HOXB6: variants seen among roughly 807,000 people sequenced by gnomAD.
HOXB6 encodes the protein homeobox B6, also known as homeobox protein Hox-B6.
HOXB6 carries 18 observed loss-of-function variants against 24.2 expected under a neutral mutation model. That is an observed-to-expected ratio of 0.74 (90% CI 0.51 to 1.10). The LOEUF (loss-of-function observed/expected upper bound fraction) is 1.10. Among genes scored for constraint, HOXB6 ranks in the 50% least tolerant of loss-of-function variants. HOXB6 has a pLI of 0.00. For synonymous variants in HOXB6, 159 were observed against 139.1 expected, an observed-to-expected ratio of 1.14 and a Z score of -1.01; for missense variants, 332 against 308.3, an observed-to-expected ratio of 1.08 and a Z score of -0.58.
rs139172289 is a variant in HOXB6 at position 48,595,804 on chromosome 17, T to TATTATTATTATTATC, written c.*608_*609insGATAATAATAATAAT. The stretch of plus-strand genomic sequence containing the variant: ...TTGTTGTTGTTATTATTATTATTAT[T>TATTATTATTATTATC]ATCATCATCATCATCATCATCATCA... On this transcript the variant is annotated 3_prime_UTR_variant, in exon 4 of 4. Coordinates refer to ENST00000225648, the MANE Select transcript of HOXB6 (RefSeq NM_018952.5). The TATTATTATTATTATC allele has an allele frequency of 4.7e-5, 9 of 190,232 alleles. No homozygotes were observed. The highest frequency in any genetic ancestry group is 1.7e-4 in the Admixed American group (3 of 17,636). 11.8% of individuals were successfully genotyped at this position (190,232 alleles called of 1,614,324 possible). A position where few individuals can be genotyped will look rare whatever the true frequency, so the allele number is the denominator to read the frequency against.
In HOXB6 at chr17:48,597,053, G is replaced by A. The variant is rs2070319535; in HGVS notation, c.416-381C>T. On this transcript the variant is annotated intron_variant, in intron 3 of 3. Coordinates refer to ENST00000225648, the MANE Select transcript of HOXB6 (RefSeq NM_018952.5). ...CAGGCCGTTAATCCGTAATGACGTA[G>A]ATCGATCCATAGTCCACATTAACGG... 6.9e-6 allele frequency: 8 copies of A among 1,161,288 alleles called. 1 individual carries two copies. The African/African-American group carries it at 1.3e-4, about 19-fold the overall frequency. 71.9% of individuals were successfully genotyped at this position (1,161,288 alleles called of 1,614,324 possible). A position where few individuals can be genotyped will look rare whatever the true frequency, so the allele number is the denominator to read the frequency against.
intron 2 of HOXB6, among the ~76,000 whole-genome samples, chr17:48,600,231 C>T (rs1469988926): frequency 2.0e-5 from 3 of 152,144 alleles, no homozygotes; most frequent in African/African-American, 7.2e-5. Flanking sequence ...ATGCACCTCC[C>T]TGCCTACTGC....
Position 48,596,803 on chromosome 17 carries a change from T to G in HOXB6, c.416-131A>C. 7.1e-7 allele frequency: 1 copy of G among 1,416,476 alleles called. No individual in the cohort carries two copies. Among genetic ancestry groups the G allele is most frequent in the Non-Finnish European group, 9.6e-7 (1 of 1,036,632 alleles). 87.7% of individuals were successfully genotyped at this position (1,416,476 alleles called of 1,614,324 possible). ...TATTCTGCCGGCTCCCTTCCCCCGT[T>G]TCGCACTCCTCCAGCGCCCCCTCCA... On this transcript the variant is annotated intron_variant, in intron 3 of 3. Coordinates refer to ENST00000225648, the MANE Select transcript of HOXB6 (RefSeq NM_018952.5). This position sits in a 1 kb window ranked among gnomAD's most constrained non-coding sequence, Gnocchi z 4.8.
At chr17:48,603,171 G>A (rs1407763902) in intron 2 of HOXB6, among the ~76,000 whole-genome samples, 1 of 152,206 alleles carries the variant, frequency 6.6e-6, no homozygotes, top group Non-Finnish European at 1.5e-5. Flanking sequence ...TCACATGTTC[G>A]TGCAAACCAG....
intron 3 of HOXB6, among the ~76,000 whole-genome samples, chr17:48,597,308 T>C (rs7405452): frequency 0.87 from 132,475 of 151,978 alleles, 57,997 homozygotes; most frequent in Non-Finnish European, 0.91. Flanking sequence ...CTCAACTCTT[T>C]CTCTTCAGCG....
chr17:48,597,815 C>A lies in HOXB6; in HGVS notation c.336G>T (p.Lys112Asn). Residue 112 changes from lysine (K) to asparagine (N), a missense_variant, in exon 3 of 4, where the codon AAG becomes AAT. Lys to Asn is a moderately conservative substitution (Grantham distance 94). Coordinates refer to ENST00000225648, the MANE Select transcript of HOXB6 (RefSeq NM_018952.5). ...EPRKSDCAQD[K>N]SVFGETEEQK... ...GCTCTTCTGTCTCGCCGAACACGCT[C>A]TTGTCCTGCGCGCAGTCCGACTTCC... 4 of 1,608,710 alleles carry A rather than the reference C, an allele frequency of 2.5e-6. No individual in the cohort carries two copies. The highest frequency in any genetic ancestry group is 3.4e-6 in the Non-Finnish European group (4 of 1,177,496).
At chr17:48,597,355 T>C (rs1290814424) in intron 3 of HOXB6, among the ~76,000 whole-genome samples, 2 of 152,112 alleles carry the variant, frequency 1.3e-5, no homozygotes, top group Non-Finnish European at 2.9e-5. Flanking sequence ...ACTCCGTTTT[T>C]AATGGAGCCG....
chr17:48,596,144 T>C lies in HOXB6; in HGVS notation c.*269A>G, dbSNP rs182080043. 18 of 663,780 alleles carry C rather than the reference T, an allele frequency of 2.7e-5. No homozygotes were observed. In the East Asian group the frequency reaches 5.3e-4, roughly 20 times the overall value. The allele number at this position is 663,780 out of a possible 1,614,324, so 41.1% of individuals were successfully genotyped here. A position where few individuals can be genotyped will look rare whatever the true frequency, so the allele number is the denominator to read the frequency against. ...ATCAAGTGAGTCCGCTCCTCAGTTC[T>C]CACCAGGAAGCCTGATCAGGCTGAG... is the stretch of plus-strand genomic sequence containing the variant. On this transcript the variant is annotated 3_prime_UTR_variant, in exon 4 of 4. Transcript: ENST00000225648. This position sits in a 1 kb window ranked among gnomAD's most constrained non-coding sequence, Gnocchi z 4.8.
At chr17:48,599,664 A>G (rs2070409195) in intron 2 of HOXB6, among the ~76,000 whole-genome samples, 1 of 152,190 alleles carries the variant, frequency 6.6e-6, no homozygotes, top group African/African-American at 2.4e-5. Context: ...TCTTTCATCC[A>G]AGGAAAATAA....
Position 48,596,916 on chromosome 17 carries a change from T to C in HOXB6, c.416-244A>G, listed in dbSNP as rs1163572967. On this transcript the variant is annotated intron_variant, in intron 3 of 3. Coordinates refer to ENST00000225648, the MANE Select transcript of HOXB6 (RefSeq NM_018952.5). This position sits in a 1 kb window ranked among gnomAD's most constrained non-coding sequence, Gnocchi z 4.8. ...AGCAGTTTGAACTCCCACCTGAGCC[T>C]GGGGGGAGGGGCTGGTCAGGTGTGT... 8.0e-6 allele frequency: 11 copies of C among 1,375,620 alleles called. No homozygotes were observed. The highest frequency in any genetic ancestry group is 1.5e-5 in the South Asian group (1 of 66,142). 85.2% of individuals were successfully genotyped at this position (1,375,620 alleles called of 1,614,324 possible).
chr17:48,602,852 T>G (rs2070502445), intron 2 of HOXB6, among the ~76,000 whole-genome samples: 1 of 152,184 alleles, frequency 6.6e-6, no homozygotes, highest in Non-Finnish European at 1.5e-5. Context: ...ACCTTTAGTA[T>G]GGGTGGGTTT....
At chr17:48,599,848 C>T (rs1488213715) in intron 2 of HOXB6, among the ~76,000 whole-genome samples, 1 of 152,194 alleles carries the variant, frequency 6.6e-6, no homozygotes, top group Non-Finnish European at 1.5e-5. Context: ...CTTGTCCTTC[C>T]TTTGGGCTCC....
intron 2 of HOXB6, chr17:48,603,605 T>C (rs1349994143): frequency 6.6e-6 from 1 of 152,212 alleles, no homozygotes; most frequent in African/African-American, 2.4e-5. Context: ...TGTTATCATA[T>C]CAGACACACA....
In HOXB6 at chr17:48,598,187, C is replaced by A. The variant is rs765546686; in HGVS notation, c.-37G>T. Reference sequence around the variant, plus strand: ...GCGCGCGCGGCCGCTGCTGCTCCGCCGGGTTTATGATTTGTTGTGTTTTAT... The same window carrying A: ...GCGCGCGCGGCCGCTGCTGCTCCGCAGGGTTTATGATTTGTTGTGTTTTAT... On this transcript the variant is annotated 5_prime_UTR_variant, in exon 3 of 4. Coordinates refer to ENST00000225648, the MANE Select transcript of HOXB6 (RefSeq NM_018952.5). The A allele has an allele frequency of 3.3e-6, 5 of 1,532,602 alleles. No homozygotes were observed. The East Asian group carries it at 1.2e-4, about 35-fold the overall frequency. 94.9% of individuals were successfully genotyped at this position (1,532,602 alleles called of 1,614,324 possible).
At position 48,597,591 on chromosome 17, in the gene HOXB6, C is replaced by A. The variant is rs1032015745; in HGVS notation, c.415+145G>T. 8 of 867,402 alleles carry A rather than the reference C, an allele frequency of 9.2e-6. No homozygotes were observed. In the African/African-American group the frequency reaches 1.2e-4, roughly 13 times the overall value. 53.7% of individuals were successfully genotyped at this position (867,402 alleles called of 1,614,324 possible). ...GGGGACACAGCGAGAGACCCCCGGCCGGCGCCCAATCTTCTTCTATCTCCT... is the reference window on the plus strand; with the variant it reads ...GGGGACACAGCGAGAGACCCCCGGCAGGCGCCCAATCTTCTTCTATCTCCT... On this transcript the variant is annotated intron_variant, in intron 3 of 3. Coordinates refer to ENST00000225648, the MANE Select transcript of HOXB6 (RefSeq NM_018952.5).
At chr17:48,600,469 C>T (rs1250485489) in intron 2 of HOXB6, 1 of 456,012 alleles carries the variant, frequency 2.2e-6, no homozygotes, top group Non-Finnish European at 4.4e-6. Flanking sequence ...GAGATGGAGC[C>T]ACTACAGGCG....
intron 2 of HOXB6, among the ~76,000 whole-genome samples, chr17:48,601,113 G>A (rs1055361000): frequency 2.7e-5 from 4 of 148,628 alleles, no homozygotes; most frequent in Non-Finnish European, 5.9e-5. Flanking sequence ...GCTCTTTGAG[G>A]TGATGAGCAC....
chr17:48,596,653 G>T lies in HOXB6; in HGVS notation c.435C>A (p.Ser145Arg). The T allele has an allele frequency of 1.2e-6, 2 of 1,613,362 alleles. No homozygotes were observed. Among genetic ancestry groups the T allele is most frequent in the South Asian group, 1.1e-5 (1 of 91,082 alleles). The change falls in exon 4 of 4, where the codon AGC becomes AGA. Residue 145 changes from serine (S) to arginine (R), a missense_variant. Physicochemically the swap from Ser to Arg is moderately radical, Grantham distance 110 (BLOSUM62 -1). Transcript: ENST00000225648. The surrounding 1 kb of genome is among the most constrained non-coding windows in gnomAD (Gnocchi z 4.8). The stretch of plus-strand genomic sequence containing the variant: ...TGTATGTCTGGCGGCCTCGCCGGCC[G>T]CTGGGCCCAAAGGAGGAACCTGTTA... Reference protein sequence around the residue: ...NSCNSSSFGPSGRRGRQTYTR... With the variant: ...NSCNSSSFGPRGRRGRQTYTR...
intron 2 of HOXB6, among the ~76,000 whole-genome samples, chr17:48,599,889 TG>T (rs1183150976): frequency 6.6e-6 from 1 of 152,178 alleles, no homozygotes; most frequent in East Asian, 1.9e-4. Flanking sequence ...CCACTGAAGA[TG>T]GTACAAGACA....
Sources: allele counts gnomAD v4.1 joint callset (sites outside exome capture counted in the v4.1 genomes callset), GRCh38; gene constraint gnomAD v4.1.1; non-coding constraint Gnocchi (gnomAD v3.1); transcripts MANE v1.5; gene names NCBI Gene and HGNC (gene_info 2026-07-23, HGNC 2026-07-21).